Variants in DOCK2 observed in about 807,000 individuals in gnomAD.
The protein encoded by DOCK2 is dedicator of cytokinesis protein 2.
Under a neutral mutation model 248.9 loss-of-function variants are expected in DOCK2, and 87 were observed. That is an observed-to-expected ratio of 0.35 (90% CI 0.29 to 0.42). The LOEUF (loss-of-function observed/expected upper bound fraction) is 0.42. Ranked by LOEUF, DOCK2 falls within the 10% of genes least tolerant of loss-of-function variation. The pLI is 1.00. For synonymous variants in DOCK2, 805 were observed against 821.6 expected, an observed-to-expected ratio of 0.98 and a Z score of 0.35; for missense variants, 1,747 against 2,300.2, an observed-to-expected ratio of 0.76 and a Z score of 4.92.
intron 22 of DOCK2, among the ~76,000 whole-genome samples, chr5:169,719,385 G>A (rs927777966): frequency 6.6e-6 from 1 of 152,226 alleles, no homozygotes; most frequent in Admixed American, 6.5e-5. Context: ...TGGCCATAGG[G>A]CAAAGTTAGG....
rs767869005 is a variant in DOCK2, at chr5:169,996,175, G to GCCA, written c.3072+15_3072+17dup. The GCCA allele has an allele frequency of 1.2e-6, 2 of 1,613,262 alleles. No homozygotes were observed. Among genetic ancestry groups the GCCA allele is most frequent in the Non-Finnish European group, 1.7e-6 (2 of 1,179,616 alleles). On this transcript the variant is annotated intron_variant, in intron 30 of 51. Transcript: ENST00000520908. ...AACTTTGAGTTCCAGGTGAGTATAA[G>GCCA]CCACCAGAGCTACCCTTGGAGCTGC... is the stretch of plus-strand genomic sequence containing the variant.
At chr5:169,986,109 C>T (rs1360884018) in intron 29 of DOCK2, among the ~76,000 whole-genome samples, 187 bp downstream of exon 29, 1 of 152,228 alleles carries the variant, frequency 6.6e-6, no homozygotes, top group Admixed American at 6.5e-5. Flanking sequence ...AAAAAATCGT[C>T]TCCAACTTCT....
At chr5:169,954,548 G>T (rs1349901428) in intron 27 of DOCK2, among the ~76,000 whole-genome samples, 7 of 152,212 alleles carry the variant, frequency 4.6e-5, no homozygotes, top group African/African-American at 7.2e-5. Flanking sequence ...ATCAGGCAGA[G>T]CCTGGGTGCA....
chr5:169,684,446 C>CTT, intron 8 of DOCK2, 96 bp downstream of exon 8: 1 of 1,456,100 alleles, frequency 6.9e-7, no homozygotes, highest in Non-Finnish European at 9.3e-7. Context: ...CAATCTCCAC[C>CTT]TGGAAAAGAG....
At chr5:169,900,972 G>A (rs954240656) in intron 27 of DOCK2, among the ~76,000 whole-genome samples, 1 of 152,112 alleles carries the variant, frequency 6.6e-6, no homozygotes, top group African/African-American at 2.4e-5. Flanking sequence ...GTCTATTTTG[G>A]AACTTAGTTA....
chr5:169,659,019 T>TATTATC (rs1487863922), intron 2 of DOCK2, among the ~76,000 whole-genome samples: 48 of 117,110 alleles, frequency 4.1e-4, no homozygotes, highest in Admixed American at 1.1e-3. Context: ...TTATTATTAT[T>TATTATC]ATTATTATTA....
Position 169,948,754 on chromosome 5 carries a change from A to G in DOCK2, c.2800-34314A>G, listed in dbSNP as rs1325739881. On this transcript the variant is annotated intron_variant, in intron 27 of 51. Coordinates refer to ENST00000520908, the MANE Select transcript of DOCK2 (RefSeq NM_004946.3). ...CAGCCTCCCAACCAGCTGGGATTAT[A>G]GATGTGTGCCACTACACCTGGCTCA... 2.0e-5 allele frequency among the ~76,000 whole-genome samples: 3 copies of G among 151,882 alleles called. No individual in the cohort carries two copies. In the East Asian group the frequency reaches 5.8e-4, roughly 29 times the overall value.
intron 8 of DOCK2, among the ~76,000 whole-genome samples, chr5:169,687,897 C>G (rs1760079043): frequency 6.6e-6 from 1 of 152,144 alleles, no homozygotes; most frequent in African/African-American, 2.4e-5. Flanking sequence ...TAATTTTTCT[C>G]TTGTAACTTT....
chr5:169,705,160 C>T (rs1282926829), intron 14 of DOCK2, among the ~76,000 whole-genome samples: 3 of 152,232 alleles, frequency 2.0e-5, no homozygotes, highest in Middle Eastern at 3.4e-3. Flanking sequence ...GAGACCCTTT[C>T]TCAACAAACA....
intron 2 of DOCK2, among the ~76,000 whole-genome samples, chr5:169,655,603 A>G (rs1236678769): frequency 1.3e-5 from 2 of 152,242 alleles, no homozygotes; most frequent in East Asian, 3.8e-4. Context: ...CCAGTGCTGG[A>G]TTAGCTACAT....
chr5:169,835,859 T>G (rs1346370999), intron 26 of DOCK2, among the ~76,000 whole-genome samples: 3 of 151,510 alleles, frequency 2.0e-5, no homozygotes, highest in Non-Finnish European at 2.9e-5. Context: ...CTTTCTGGGC[T>G]CAAGCCTGCC....
chr5:170,045,918 C>T lies in DOCK2; in HGVS notation c.3966+13C>T, dbSNP rs188426806. The T allele has an allele frequency of 3.8e-4, 606 of 1,613,740 alleles. 4 individuals are homozygous for T. The African/African-American group carries it at 7.6e-3, about 20-fold the overall frequency. On this transcript the variant is annotated intron_variant, in intron 39 of 51. Coordinates refer to ENST00000520908, the MANE Select transcript of DOCK2 (RefSeq NM_004946.3). Reference sequence around the variant, plus strand: ...CAGCCAGAACCTGGTAAGGCATCCCCTGGGAAGGCTGAATGCCCTGCAGGC... The same window carrying T: ...CAGCCAGAACCTGGTAAGGCATCCCTTGGGAAGGCTGAATGCCCTGCAGGC...
At chr5:169,809,566 C>A (rs576616075) in intron 26 of DOCK2, among the ~76,000 whole-genome samples, 1 of 152,162 alleles carries the variant, frequency 6.6e-6, no homozygotes, top group Non-Finnish European at 1.5e-5. Context: ...GATATCCCAG[C>A]GCCAGTCATT....
intron 43 of DOCK2, 26 bp from the exon 44 acceptor site, chr5:170,057,554 C>T: frequency 1.9e-6 from 3 of 1,609,418 alleles, no homozygotes; most frequent in East Asian, 2.2e-5. Context: ...CTTTCCTGCC[C>T]TTGCCACCCC....
chr5:169,903,311 T>TAAAAAAA (rs142632030), intron 27 of DOCK2, among the ~76,000 whole-genome samples: 1 of 111,080 alleles, frequency 9.0e-6, no homozygotes. Flanking sequence ...ACAACAACAA[T>TAAAAAAA]AAAAAAAAAA....
chr5:169,722,150 G>A (rs567729769), intron 22 of DOCK2, among the ~76,000 whole-genome samples: 3 of 152,338 alleles, frequency 2.0e-5, no homozygotes, highest in South Asian at 4.1e-4. Flanking sequence ...TTCAGAAAGA[G>A]TTGAAGTGAT....
chr5:169,827,455 G>C (rs900261049), intron 26 of DOCK2, among the ~76,000 whole-genome samples: 2 of 152,164 alleles, frequency 1.3e-5, no homozygotes, highest in Non-Finnish European at 2.9e-5. Context: ...AAGATGACTT[G>C]GTTATAATAA....
At chr5:169,901,677 TG>T (rs1581386183) in intron 27 of DOCK2, among the ~76,000 whole-genome samples, 1 of 151,986 alleles carries the variant, frequency 6.6e-6, no homozygotes, top group East Asian at 1.9e-4. Flanking sequence ...AGAGTTGAAG[TG>T]TGAGGCGGAA....
intron 1 of DOCK2, among the ~76,000 whole-genome samples, chr5:169,644,179 G>A (rs974398999): frequency 3.9e-5 from 6 of 152,152 alleles, no homozygotes; most frequent in African/African-American, 1.4e-4. Flanking sequence ...TACTCTGAAT[G>A]GGGGAGGGGG....
Sources: allele counts gnomAD v4.1 joint callset (sites outside exome capture counted in the v4.1 genomes callset), GRCh38; gene constraint gnomAD v4.1.1; transcripts MANE v1.5; gene names NCBI Gene and HGNC (gene_info 2026-07-23, HGNC 2026-07-21).